Variants in GABPB1 observed in about 807,000 individuals in gnomAD.
GABPB1 encodes GA-binding protein subunit beta-1.
In GABPB1, 15 loss-of-function variants were observed where a neutral mutation model predicts 45.9. That is an observed-to-expected ratio of 0.33 (90% CI 0.22 to 0.50). GABPB1 has a LOEUF of 0.50. Ranked by LOEUF, GABPB1 falls within the 20% of genes least tolerant of loss-of-function variation. The pLI is 0.98. For synonymous variants in GABPB1, 143 were observed against 154.4 expected (o/e 0.93, Z 0.55); for missense variants, 252 against 457.5 (o/e 0.55, Z 4.10).
intron 1 of GABPB1, chr15:50,327,080 A>G (rs886187832): frequency 6.6e-6 from 1 of 152,136 alleles, no homozygotes; most frequent in Admixed American, 6.6e-5. Flanking sequence ...TATCCCAGGA[A>G]AAAAATGGAG....
At chr15:50,337,374 C>A (rs1020402656) in intron 1 of GABPB1, among the ~76,000 whole-genome samples, 1 of 151,812 alleles carries the variant, frequency 6.6e-6, no homozygotes, top group Non-Finnish European at 1.5e-5. Flanking sequence ...TTTTGAAAGA[C>A]TAAGCCAGCA....
At position 50,276,824 on chromosome 15, in the gene GABPB1, A is replaced by C. The variant is rs2045844573; in HGVS notation, c.*1808T>G. Reference sequence around the variant, plus strand: ...CCTAACATGACAAATTAATGTACCGAAGTAACCAGAAACAACATTCTCTAT... The same window carrying C: ...CCTAACATGACAAATTAATGTACCGCAGTAACCAGAAACAACATTCTCTAT... On this transcript the variant is annotated 3_prime_UTR_variant, in exon 9 of 9. Transcript: ENST00000380877. 1.3e-5 allele frequency: 2 copies of C among 152,224 alleles called. No individual in the cohort carries two copies. Among genetic ancestry groups the C allele is most frequent in the South Asian group, 4.1e-4 (2 of 4,838 alleles). 9.4% of individuals were successfully genotyped at this position (152,224 alleles called of 1,614,324 possible).
chr15:50,329,203 G>A (rs912506030), intron 1 of GABPB1, among the ~76,000 whole-genome samples: 18 of 152,110 alleles, frequency 1.2e-4, no homozygotes, highest in Non-Finnish European at 2.6e-4. Flanking sequence ...ACCAAAATTA[G>A]GGTTTTAGAA....
intron 1 of GABPB1, among the ~76,000 whole-genome samples, chr15:50,313,306 T>C (rs576645754): frequency 6.6e-6 from 1 of 152,250 alleles, no homozygotes; most frequent in East Asian, 1.9e-4. Flanking sequence ...TAACATAAAG[T>C]AAATAATTTT....
At position 50,301,387 on chromosome 15, in the gene GABPB1, C is replaced by A; in HGVS notation, c.472-19G>T. 6.3e-7 allele frequency: 1 copy of A among 1,599,930 alleles called. No homozygotes were observed. Among genetic ancestry groups the A allele is most frequent in the South Asian group, 1.1e-5 (1 of 89,504 alleles). On this transcript the variant is annotated intron_variant, in intron 4 of 8. Coordinates refer to ENST00000380877, the MANE Select transcript of GABPB1 (RefSeq NM_016654.5). ...TAGCAATCTAGGGAAAAAATGACCA[C>A]AGTGTTTTCAGAATTATAACCAGAA...
intron 6 of GABPB1, among the ~76,000 whole-genome samples, chr15:50,295,190 G>A (rs770008407): frequency 4.6e-5 from 7 of 152,136 alleles, no homozygotes; most frequent in Non-Finnish European, 8.8e-5. Flanking sequence ...CTATCATTAT[G>A]ATAACTCTTC....
At chr15:50,337,856 T>G (rs1008247301) in intron 1 of GABPB1, among the ~76,000 whole-genome samples, 1 of 152,186 alleles carries the variant, frequency 6.6e-6, no homozygotes, top group Non-Finnish European at 1.5e-5. Flanking sequence ...AGAAAAAAAC[T>G]ACTACATTTA....
intron 6 of GABPB1, among the ~76,000 whole-genome samples, chr15:50,298,787 A>G: frequency 6.6e-6 from 1 of 152,080 alleles, no homozygotes; most frequent in African/African-American, 2.4e-5. Flanking sequence ...CCCCGTCCCT[A>G]CTAAAAATAC....
intron 1 of GABPB1, among the ~76,000 whole-genome samples, chr15:50,312,948 C>G (rs945528716): frequency 6.6e-6 from 1 of 152,100 alleles, no homozygotes; most frequent in East Asian, 1.9e-4. Context: ...ATAAATATCT[C>G]TGTCCAGAAC....
chr15:50,346,745 G>T (rs2048600759), intron 1 of GABPB1, among the ~76,000 whole-genome samples: 1 of 151,302 alleles, frequency 6.6e-6, no homozygotes, highest in African/African-American at 2.4e-5. Flanking sequence ...CTGTCTTTTT[G>T]CTGTAACCTC....
At chr15:50,334,726 C>A (rs1324855730) in intron 1 of GABPB1, among the ~76,000 whole-genome samples, 1 of 151,658 alleles carries the variant, frequency 6.6e-6, no homozygotes, top group Non-Finnish European at 1.5e-5. Flanking sequence ...CCCAGGCTGG[C>A]CTCAAACTCC....
At chr15:50,280,736 T>A (rs1222335407) in intron 8 of GABPB1, among the ~76,000 whole-genome samples, 2 of 150,918 alleles carry the variant, frequency 1.3e-5, no homozygotes, top group Non-Finnish European at 2.9e-5. Flanking sequence ...CAAGACCTTG[T>A]CTCAAAAGAA....
At chr15:50,297,055 C>T (rs1237012122) in intron 6 of GABPB1, among the ~76,000 whole-genome samples, 1 of 149,176 alleles carries the variant, frequency 6.7e-6, no homozygotes, top group Non-Finnish European at 1.5e-5. Flanking sequence ...GGATTACAGG[C>T]ATACGCCACC....
At chr15:50,324,216 AAT>A (rs926736987) in intron 1 of GABPB1, among the ~76,000 whole-genome samples, 5 of 149,868 alleles carry the variant, frequency 3.3e-5, no homozygotes, top group African/African-American at 7.6e-5. Flanking sequence ...AAAAAAAAAA[AAT>A]TTTTTTTAAT....
chr15:50,295,187 TATG>T (rs1163687498), intron 6 of GABPB1, among the ~76,000 whole-genome samples: 2 of 152,234 alleles, frequency 1.3e-5, no homozygotes, highest in Non-Finnish European at 2.9e-5. Context: ...ATGCTATCAT[TATG>T]ATAACTCTTC....
chr15:50,328,408 T>C (rs1419264204), intron 1 of GABPB1, among the ~76,000 whole-genome samples: 1 of 152,224 alleles, frequency 6.6e-6, no homozygotes, highest in African/African-American at 2.4e-5. Context: ...CTGTACCTCA[T>C]ACTGAGTTTT....
At chr15:50,282,876 A>T (rs899907342) in intron 8 of GABPB1, among the ~76,000 whole-genome samples, 30 of 152,062 alleles carry the variant, frequency 2.0e-4, no homozygotes, top group African/African-American at 7.2e-4. Context: ...CCAACCCGGT[A>T]AAACCCCGTC....
intron 1 of GABPB1, among the ~76,000 whole-genome samples, chr15:50,329,326 C>A (rs938872320): frequency 2.6e-5 from 4 of 152,170 alleles, no homozygotes; most frequent in Admixed American, 6.5e-5. Context: ...ATGATGAATT[C>A]ATATTGACAT....
At chr15:50,313,541 G>C in intron 1 of GABPB1, among the ~76,000 whole-genome samples, 1 of 152,054 alleles carries the variant, frequency 6.6e-6, no homozygotes, top group South Asian at 2.1e-4. Flanking sequence ...TATCAGTAAA[G>C]ATTATATATG....
Sources: gnomAD v4.1 joint callset for allele counts (sites outside exome capture counted in the v4.1 genomes callset) on GRCh38, gnomAD v4.1.1 for gene constraint, MANE v1.5 for transcripts, NCBI Gene and HGNC (gene_info 2026-07-23, HGNC 2026-07-21) for gene names.